RNGTT: variants seen among roughly 807,000 people sequenced by gnomAD.
The protein encoded by RNGTT is mRNA-capping enzyme.
RNGTT carries 33 observed loss-of-function variants against 79.3 expected under a neutral mutation model. That is an observed-to-expected ratio of 0.42 (90% confidence interval 0.32 to 0.56). The LOEUF (loss-of-function observed/expected upper bound fraction) is 0.56. RNGTT is among the 20% of genes least tolerant of loss of function. The pLI, the probability that RNGTT is intolerant of heterozygous loss-of-function variation, is 0.17. For synonymous variants in RNGTT, 222 were observed against 235.9 expected (o/e 0.94, Z 0.54); for missense variants, 497 against 739.1 (o/e 0.67, Z 3.80).
At chr6:88,914,070 C>T (rs930401768) in intron 4 of RNGTT, among the ~76,000 whole-genome samples, 1 of 152,010 alleles carries the variant, frequency 6.6e-6, no homozygotes, top group African/African-American at 2.4e-5. Context: ...TAGGAATACA[C>T]CCAACCAAGG....
chr6:88,845,178 T>A (rs1386601298), intron 10 of RNGTT, among the ~76,000 whole-genome samples: 1 of 151,514 alleles, frequency 6.6e-6, no homozygotes, highest in Non-Finnish European at 1.5e-5. Flanking sequence ...ACCTACAATG[T>A]TTTTTGTTGT....
At chr6:88,825,072 T>C (rs9359820) in intron 11 of RNGTT, among the ~76,000 whole-genome samples, 4,559 of 152,150 alleles carry the variant, frequency 0.03, 79 homozygotes, top group East Asian at 0.051. Flanking sequence ...AACATGTAAG[T>C]AAAAATGAAA....
chr6:88,722,142 C>A (rs1233093843), intron 13 of RNGTT, among the ~76,000 whole-genome samples: 2 of 150,014 alleles, frequency 1.3e-5, no homozygotes, highest in African/African-American at 2.5e-5. Flanking sequence ...TCTAAGACTG[C>A]GTTTAAATAG....
chr6:88,775,898 T>C (rs9353608), intron 12 of RNGTT, among the ~76,000 whole-genome samples: 21,076 of 152,220 alleles, frequency 0.14, 1,594 homozygotes, highest in Middle Eastern at 0.23. Flanking sequence ...TGAATAATAT[T>C]CTGTTGCATA....
intron 11 of RNGTT, among the ~76,000 whole-genome samples, chr6:88,820,941 A>G (rs1400200252): frequency 6.6e-6 from 1 of 152,124 alleles, no homozygotes; most frequent in East Asian, 1.9e-4. Flanking sequence ...TATGTTCTAA[A>G]TATTGTCAAA....
intron 4 of RNGTT, among the ~76,000 whole-genome samples, chr6:88,927,519 G>A (rs951983728): frequency 7.9e-5 from 12 of 151,958 alleles, no homozygotes; most frequent in African/African-American, 1.9e-4. Context: ...ATAATTAGCC[G>A]GGCATGGTGG....
intron 1 of RNGTT, among the ~76,000 whole-genome samples, chr6:88,943,574 A>T (rs899669017): frequency 1.4e-4 from 22 of 151,836 alleles, no homozygotes; most frequent in Non-Finnish European, 2.1e-4. Context: ...GAAAAAAAAA[A>T]CACACACACA....
At chr6:88,740,248 T>A (rs1390533103) in intron 13 of RNGTT, among the ~76,000 whole-genome samples, 1 of 152,114 alleles carries the variant, frequency 6.6e-6, no homozygotes, top group Non-Finnish European at 1.5e-5. Context: ...TCAGGCATGG[T>A]GGCTCATGCC....
chr6:88,780,228 T>C (rs1329263553), intron 12 of RNGTT, among the ~76,000 whole-genome samples: 1 of 152,130 alleles, frequency 6.6e-6, no homozygotes, highest in Non-Finnish European at 1.5e-5. Context: ...ATTTCAAAAC[T>C]TACTACAAAA....
intron 7 of RNGTT, 111 bp from the exon 8 acceptor site, chr6:88,890,707 T>C (rs1043105123): frequency 3.5e-6 from 2 of 574,762 alleles, no homozygotes; most frequent in East Asian, 3.1e-5. Context: ...CTCCCTATGA[T>C]GAGATTAATG....
intron 13 of RNGTT, among the ~76,000 whole-genome samples, chr6:88,732,254 C>T (rs905211050): frequency 6.6e-6 from 1 of 152,150 alleles, no homozygotes; most frequent in African/African-American, 2.4e-5. Context: ...AAAAGACATA[C>T]AAATTGCCAA....
intron 14 of RNGTT, among the ~76,000 whole-genome samples, chr6:88,646,987 G>A (rs761240365): frequency 2.6e-5 from 4 of 152,172 alleles, no homozygotes; most frequent in South Asian, 2.1e-4. Context: ...AAACCTGCAC[G>A]TTGTGCACAT....
At chr6:88,917,673 G>C (rs1429336101) in intron 4 of RNGTT, among the ~76,000 whole-genome samples, 1 of 152,190 alleles carries the variant, frequency 6.6e-6, no homozygotes, top group Non-Finnish European at 1.5e-5. Context: ...GATCACTTGA[G>C]GCCAGGAGTT....
At position 88,961,323 on chromosome 6, in the gene RNGTT, A is replaced by ATGTG. The variant is rs537499568; in HGVS notation, c.64+2019_64+2022dup. On this transcript the variant is annotated intron_variant, in intron 1 of 15. Transcript: ENST00000369485. ...TTAATAAACTCCCCTTTACGTCTGT[A>ATGTG]TGTGTGTGTGTGTATGTATGTGTGT... Among the ~76,000 whole-genome samples, 106 of 151,704 alleles carry ATGTG rather than the reference A, an allele frequency of 7.0e-4. 1 individual carries two copies. In the South Asian group the frequency reaches 0.019, roughly 27 times the overall value.
chr6:88,770,768 G>A (rs566619772), intron 12 of RNGTT, among the ~76,000 whole-genome samples: 4 of 152,236 alleles, frequency 2.6e-5, no homozygotes, highest in African/African-American at 4.8e-5. Context: ...CTCCATATCC[G>A]CCTTGGACTA....
At chr6:88,717,458 G>A (rs925759981) in intron 13 of RNGTT, among the ~76,000 whole-genome samples, 10 of 152,186 alleles carry the variant, frequency 6.6e-5, no homozygotes, top group African/African-American at 2.4e-4. Context: ...AGCAACTACA[G>A]TGTCAACTCT....
chr6:88,924,567 CCTT>C (rs1784260141), intron 4 of RNGTT, among the ~76,000 whole-genome samples: 1 of 152,158 alleles, frequency 6.6e-6, no homozygotes, highest in Non-Finnish European at 1.5e-5. Flanking sequence ...CTCAAGCAAT[CCTT>C]CTGCCTCAGC....
intron 13 of RNGTT, 52 bp downstream of exon 13, chr6:88,769,722 C>A: frequency 9.3e-7 from 1 of 1,069,892 alleles, no homozygotes; most frequent in Non-Finnish European, 1.4e-6. Context: ...AAAGGTGAAG[C>A]CTTACACAAA....
chr6:88,959,597 G>A (rs1785547506), intron 1 of RNGTT, among the ~76,000 whole-genome samples: 1 of 151,988 alleles, frequency 6.6e-6, no homozygotes, highest in Admixed American at 6.6e-5. Context: ...CTCTTCATCT[G>A]TCACTTTTAA....
Sources: gnomAD v4.1 joint callset for allele counts (sites outside exome capture counted in the v4.1 genomes callset) on GRCh38, gnomAD v4.1.1 for gene constraint, MANE v1.5 for transcripts, NCBI Gene and HGNC (gene_info 2026-07-23, HGNC 2026-07-21) for gene names.